Variants in SCN3A observed in about 807,000 individuals in gnomAD.
SCN3A encodes the protein sodium voltage-gated channel alpha subunit 3.
In SCN3A, 60 loss-of-function variants were observed where a neutral mutation model predicts 187.6. The ratio of observed to expected loss-of-function variants is 0.32; its 90% CI spans 0.26 to 0.40. SCN3A has a LOEUF of 0.40. Among genes scored for constraint, SCN3A ranks in the 10% least tolerant of loss-of-function variants. The pLI is 1.00. For missense variants in SCN3A, 1,601 were observed against 2,428.2 expected (o/e 0.66, Z 7.16); for synonymous variants, 788 against 829.2 (o/e 0.95, Z 0.85).
chr2:165,180,908 A>G (rs1266350500), intron 2 of SCN3A, among the ~76,000 whole-genome samples: 1 of 152,166 alleles, frequency 6.6e-6, no homozygotes, highest in East Asian at 1.9e-4. Context: ...CATGAACCCA[A>G]AGAACTTTTG....
At chr2:165,147,105 A>G in intron 11 of SCN3A, 76 bp from the exon 12 acceptor site, 1 of 1,536,636 alleles carries the variant, frequency 6.5e-7, no homozygotes, top group South Asian at 1.1e-5. Context: ...AAATATTGCC[A>G]TTTAAGACTC....
chr2:165,095,332 C>T (rs1297058648), intron 25 of SCN3A, among the ~76,000 whole-genome samples, 179 bp downstream of exon 25: 1 of 152,154 alleles, frequency 6.6e-6, no homozygotes, highest in Non-Finnish European at 1.5e-5. Context: ...AATAGATAAA[C>T]TTTGAGAGGA....
chr2:165,108,720 G>A (rs1171666554), intron 21 of SCN3A, among the ~76,000 whole-genome samples: 1 of 152,062 alleles, frequency 6.6e-6, no homozygotes, highest in Non-Finnish European at 1.5e-5. Context: ...TCATTGTGTG[G>A]TCAATAGCAG....
In SCN3A at chr2:165,162,382, A is replaced by C. The variant is rs1273112063; in HGVS notation, c.968-11T>G. On this transcript the variant is annotated splice_polypyrimidine_tract_variant and intron_variant, in intron 8 of 27. Coordinates refer to ENST00000283254, the MANE Select transcript of SCN3A (RefSeq NM_006922.4). Reference sequence around the variant, plus strand: ...AAACATAAAAGTGACCTGTTAATACAAAAAAAAACCCATTTTATTTCATAT... The same window carrying C: ...AAACATAAAAGTGACCTGTTAATACCAAAAAAAACCCATTTTATTTCATAT... The C allele has an allele frequency of 6.3e-7, 1 of 1,596,862 alleles. No individual in the cohort carries two copies. The highest frequency in any genetic ancestry group is 1.1e-5 in the South Asian group (1 of 89,874).
intron 7 of SCN3A, among the ~76,000 whole-genome samples, 178 bp from the exon 8 acceptor site, chr2:165,163,006 T>C (rs1409785987): frequency 6.6e-6 from 1 of 152,182 alleles, no homozygotes; most frequent in Admixed American, 6.5e-5. Flanking sequence ...ACATGAACAG[T>C]GTGCTTGCTG....
At chr2:165,133,378 A>G (rs113567861) in intron 15 of SCN3A, among the ~76,000 whole-genome samples, 17,602 of 151,992 alleles carry the variant, frequency 0.12, 1,377 homozygotes, top group Middle Eastern at 0.18. Flanking sequence ...TTTTTGAGAC[A>G]GAGTCTCCCT....
At position 165,132,769 on chromosome 2, in the gene SCN3A, A is replaced by G. The variant is rs559554260; in HGVS notation, c.2392-1352T>C. 1.0e-3 allele frequency among the ~76,000 whole-genome samples: 155 copies of G among 152,342 alleles called. 1 individual carries two copies. Among genetic ancestry groups the G allele is most frequent in the African/African-American group, 3.7e-3 (153 of 41,586 alleles). ...CCAAAAGCAATGGCGACAAAAGCCA[A>G]AATTGACAAATGGGATCTAATTAAA... On this transcript the variant is annotated intron_variant, in intron 15 of 27. Transcript: ENST00000283254.
chr2:165,149,833 T>G (rs1688590404), intron 11 of SCN3A, among the ~76,000 whole-genome samples: 2 of 152,220 alleles, frequency 1.3e-5, no homozygotes, highest in African/African-American at 4.8e-5. Flanking sequence ...CATTTTCTTA[T>G]AACATTTTTG....
At chr2:165,149,718 C>T (rs191082685) in intron 11 of SCN3A, among the ~76,000 whole-genome samples, 6 of 152,310 alleles carry the variant, frequency 3.9e-5, no homozygotes, top group Admixed American at 3.9e-4. Flanking sequence ...TGTGACACTA[C>T]CAATGTCCTG....
chr2:165,156,302 C>T (rs957333622), intron 9 of SCN3A, among the ~76,000 whole-genome samples: 2 of 151,130 alleles, frequency 1.3e-5, no homozygotes, highest in African/African-American at 2.4e-5. Flanking sequence ...GTCAGGAGAT[C>T]GAGACTATCC....
At chr2:165,116,943 AT>A (rs11395597) in intron 18 of SCN3A, among the ~76,000 whole-genome samples, 2,287 of 118,158 alleles carry the variant, frequency 0.019, 50 homozygotes, top group African/African-American at 0.06. Context: ...TGATAGCACA[AT>A]TTTTTTTTTT....
At position 165,091,994 on chromosome 2, in the gene SCN3A, G is replaced by A. The variant is rs974902137; in HGVS notation, c.4807+260C>T. 5.7e-6 allele frequency: 3 copies of A among 528,704 alleles called. No homozygotes were observed. The African/African-American group carries it at 5.7e-5, about 10-fold the overall frequency. The allele number at this position is 528,704 out of a possible 1,614,324, so 32.8% of individuals were successfully genotyped here. On this transcript the variant is annotated intron_variant, in intron 27 of 27. Transcript: ENST00000283254. ...CTTTTAGCCTGTGACCTTGGTTTAA[G>A]ATTAGGAGAGTACCTGATAATGTTT...
intron 2 of SCN3A, among the ~76,000 whole-genome samples, chr2:165,183,197 G>C (rs912829703): frequency 6.6e-6 from 1 of 152,166 alleles, no homozygotes; most frequent in Non-Finnish European, 1.5e-5. Context: ...CTAATTAAAA[G>C]ACATACTTGG....
intron 21 of SCN3A, among the ~76,000 whole-genome samples, chr2:165,103,155 C>A (rs1030356147): frequency 6.6e-6 from 1 of 152,124 alleles, no homozygotes; most frequent in Non-Finnish European, 1.5e-5. Flanking sequence ...TCTTTCAAAT[C>A]TCTATTATAA....
At chr2:165,156,686 T>A (rs1211297016) in intron 9 of SCN3A, among the ~76,000 whole-genome samples, 1 of 152,044 alleles carries the variant, frequency 6.6e-6, no homozygotes, top group South Asian at 2.1e-4. Flanking sequence ...TAGTACAGGC[T>A]TCATACATTC....
intron 15 of SCN3A, among the ~76,000 whole-genome samples, chr2:165,134,324 A>G (rs903231211): frequency 2.0e-5 from 3 of 152,230 alleles, no homozygotes; most frequent in Non-Finnish European, 2.9e-5. Context: ...TTAATTTGCT[A>G]TAGTTACAAG....
chr2:165,145,074 AT>A, intron 12 of SCN3A, among the ~76,000 whole-genome samples: 1 of 152,188 alleles, frequency 6.6e-6, no homozygotes, highest in South Asian at 2.1e-4. Flanking sequence ...TGTCACACAG[AT>A]TTTCTATATA....
At chr2:165,161,712 T>C (rs1689409139) in intron 9 of SCN3A, among the ~76,000 whole-genome samples, 1 of 152,220 alleles carries the variant, frequency 6.6e-6, no homozygotes, top group South Asian at 2.1e-4. Context: ...AATAACAGCA[T>C]GACTAAGATA....
intron 5 of SCN3A, among the ~76,000 whole-genome samples, chr2:165,168,421 T>G (rs1689906878): frequency 6.6e-6 from 1 of 152,052 alleles, no homozygotes; most frequent in Admixed American, 6.6e-5. Context: ...ATTACTGAAC[T>G]GATCACTGTA....
Sources: gnomAD v4.1 joint callset for allele counts (sites outside exome capture counted in the v4.1 genomes callset) on GRCh38, gnomAD v4.1.1 for gene constraint, MANE v1.5 for transcripts, NCBI Gene and HGNC (gene_info 2026-07-23, HGNC 2026-07-21) for gene names.